SOD2: variants seen among roughly 807,000 people sequenced by gnomAD.
SOD2 encodes the protein superoxide dismutase [Mn], mitochondrial.
In SOD2, 11 loss-of-function variants were observed where a neutral mutation model predicts 27.0. The observed-to-expected ratio is 0.41, with a 90% CI of 0.26 to 0.67. The LOEUF (loss-of-function observed/expected upper bound fraction) is 0.67. SOD2 is among the 30% of genes least tolerant of loss of function. SOD2 has a pLI of 0.34. For synonymous variants in SOD2, 105 were observed against 103.0 expected, an observed-to-expected ratio of 1.02 and a Z score of -0.12; for missense variants, 250 against 274.5, an observed-to-expected ratio of 0.91 and a Z score of 0.63.
At chr6:159,728,689 T>G (rs1778378664), upstream of SOD2, among the ~76,000 whole-genome samples, 1 of 152,240 alleles carries the variant, frequency 6.6e-6, no homozygotes, top group Non-Finnish European at 1.5e-5. Context: ...TCAAGATGGA[T>G]ACATTTTAAT....
At chr6:159,757,213 A>G (rs985073395) in intron 1 of SOD2, among the ~76,000 whole-genome samples, 5 of 152,170 alleles carry the variant, frequency 3.3e-5, no homozygotes, top group African/African-American at 1.2e-4. Context: ...ATTTCTGTTA[A>G]AAGCAAAGTA....
chr6:159,713,840 C>A (rs908374044), intron 1 of SOD2: 2 of 1,105,812 alleles, frequency 1.8e-6, no homozygotes, highest in African/African-American at 3.0e-5. Context: ...ACTTGGTCTG[C>A]CTTCTCCGGT....
At chr6:159,698,921 T>G (rs911090992) in intron 1 of SOD2, among the ~76,000 whole-genome samples, 3 of 111,946 alleles carry the variant, frequency 2.7e-5, no homozygotes, top group Non-Finnish European at 5.1e-5. Context: ...GAGAGGTTGA[T>G]CTTGCTGTCT....
intron 1 of SOD2, among the ~76,000 whole-genome samples, chr6:159,705,253 G>A (rs1000901163): frequency 2.0e-5 from 3 of 152,202 alleles, no homozygotes; most frequent in Non-Finnish European, 2.9e-5. Flanking sequence ...CACCAGCAAT[G>A]GAACAAAGCT....
chr6:159,697,299 T>A (rs573413874), upstream of SOD2, among the ~76,000 whole-genome samples: 15 of 152,306 alleles, frequency 9.8e-5, no homozygotes, highest in East Asian at 9.6e-4. Flanking sequence ...TCTGCTTTTT[T>A]AAAATTTGGG....
In SOD2 at chr6:159,677,697, C is replaced by T. The variant is rs942580810; in HGVS notation, c.*4796G>A. 6.6e-6 allele frequency: 1 copy of T among 152,204 alleles called. No individual in the cohort carries two copies. Among genetic ancestry groups the T allele is most frequent in the African/African-American group, 2.4e-5 (1 of 41,438 alleles). The allele number at this position is 152,204 out of a possible 1,614,324, so 9.4% of individuals were successfully genotyped here. On this transcript the variant is annotated 3_prime_UTR_variant, in exon 5 of 5. Coordinates refer to ENST00000538183, the MANE Select transcript of SOD2 (RefSeq NM_000636.4). ...AGTGCAGTAGCACAATCATAGCTCACTACAGCTGCAAACTCCTGGGCCTGT... is the reference window on the plus strand; with the variant it reads ...AGTGCAGTAGCACAATCATAGCTCATTACAGCTGCAAACTCCTGGGCCTGT...
At chr6:159,720,741 T>C (rs2114837683) in intron 1 of SOD2, among the ~76,000 whole-genome samples, 1 of 152,276 alleles carries the variant, frequency 6.6e-6, no homozygotes, top group African/African-American at 2.4e-5. Context: ...TCTCTTGTAT[T>C]CTCTGTAAAC....
chr6:159,755,038 C>A (rs1245112142), intron 1 of SOD2: 2 of 1,611,628 alleles, frequency 1.2e-6, no homozygotes, highest in East Asian at 4.5e-5. Flanking sequence ...AACTGAATGA[C>A]TTCATCATCC....
intron 1 of SOD2, chr6:159,713,968 G>A: frequency 1.2e-6 from 1 of 828,988 alleles, no homozygotes; most frequent in African/African-American, 1.7e-5. Context: ...ACCCCTCCCT[G>A]CCTTCCGTGC....
chr6:159,684,736 T>C (rs1780106505), intron 4 of SOD2, 118 bp downstream of exon 4: 1 of 701,208 alleles, frequency 1.4e-6, no homozygotes, highest in African/African-American at 1.8e-5. Context: ...GGGTGTTATC[T>C]GTTAAGATTT....
At chr6:159,723,491 C>T (rs546505767) in intron 1 of SOD2, among the ~76,000 whole-genome samples, 6 of 152,330 alleles carry the variant, frequency 3.9e-5, no homozygotes, top group African/African-American at 7.2e-5. Context: ...CCTTTCCCGT[C>T]CCAGAGCTGG....
At chr6:159,742,902 AAG>A (rs1554264350) in intron 1 of SOD2, among the ~76,000 whole-genome samples, 1 of 152,128 alleles carries the variant, frequency 6.6e-6, no homozygotes, top group African/African-American at 2.4e-5. Flanking sequence ...CAAAAAAAAA[AAG>A]AGTCAGGAGG....
exon 1 of SOD2, chr6:159,727,245 C>T (rs565403905): frequency 6.6e-5 from 85 of 1,281,922 alleles, no homozygotes; most frequent in Non-Finnish European, 8.4e-5. Flanking sequence ...CGGGCTAGGC[C>T]GACGGCCTCC....
intron 1 of SOD2, among the ~76,000 whole-genome samples, chr6:159,712,422 CACCTCCATAACCACCACTCACACT>C (rs1777828381): frequency 1.2e-5 from 1 of 83,816 alleles, no homozygotes; most frequent in African/African-American, 3.9e-5. Context: ...TCACCATAAC[CACCTCCATAACCACCACTCACACT>C]GCTCAGACCT....
intron 1 of SOD2, among the ~76,000 whole-genome samples, chr6:159,700,521 G>A (rs994144237): frequency 5.3e-5 from 8 of 152,010 alleles, no homozygotes; most frequent in Non-Finnish European, 1.2e-4. Flanking sequence ...GGGTGTGGTG[G>A]CAGGCGCCTG....
Position 159,699,399 on chromosome 6 carries a change from G to A in SOD2, c.-115-6536C>T, listed in dbSNP as rs530137488. On this transcript the variant is annotated intron_variant, in intron 1 of 2. Transcript: ENST00000401980. ...TTCTTCCCAACCTAGTCTAGTGAAAGACTCAGACTTGCTGGGGACCCAGGA... is the reference window on the plus strand; with the variant it reads ...TTCTTCCCAACCTAGTCTAGTGAAAAACTCAGACTTGCTGGGGACCCAGGA... Among the ~76,000 whole-genome samples, 30 of 152,248 alleles carry A rather than the reference G, an allele frequency of 2.0e-4. No homozygotes were observed. In the South Asian group the frequency reaches 6.2e-3, roughly 32 times the overall value.
At chr6:159,702,797 T>C (rs1777549007) in intron 1 of SOD2, among the ~76,000 whole-genome samples, 2 of 141,082 alleles carry the variant, frequency 1.4e-5, no homozygotes, top group Non-Finnish European at 3.0e-5. Context: ...ATGCAGTATG[T>C]TGTGATGGCA....
intron 1 of SOD2, among the ~76,000 whole-genome samples, chr6:159,732,468 A>G (rs1194445148): frequency 1.3e-5 from 2 of 152,238 alleles, no homozygotes; most frequent in Non-Finnish European, 2.9e-5. Context: ...ATATACATAG[A>G]TACAGATACT....
At chr6:159,743,534 T>G (rs1165796486) in intron 1 of SOD2, 19 of 867,690 alleles carry the variant, frequency 2.2e-5, no homozygotes, top group Non-Finnish European at 3.0e-5. Context: ...GAAATTCGCC[T>G]GTTATAAAAG....
Sources: gnomAD v4.1 joint callset for allele counts (sites outside exome capture counted in the v4.1 genomes callset) on GRCh38, gnomAD v4.1.1 for gene constraint, MANE v1.5 for transcripts, NCBI Gene and HGNC (gene_info 2026-07-23, HGNC 2026-07-21) for gene names.